Variants in EXOC4 observed in about 807,000 individuals in gnomAD.
EXOC4 encodes the protein exocyst complex component 4.
Under a neutral mutation model 107.2 loss-of-function variants are expected in EXOC4, and 71 were observed. That is an observed-to-expected ratio of 0.66 (90% confidence interval 0.55 to 0.81). The LOEUF (loss-of-function observed/expected upper bound fraction) is 0.81, where lower values mean the gene tolerates loss of function less well. Ranked by LOEUF, EXOC4 falls within the 30% of genes least tolerant of loss-of-function variation. The probability of loss-of-function intolerance (pLI) is 0.00; values close to 1 mark genes in which losing one functional copy is unlikely to be tolerated. For synonymous variants in EXOC4, 456 were observed against 441.2 expected (o/e 1.03, Z -0.42); for missense variants, 1,108 against 1,189.6 (o/e 0.93, Z 1.01).
chr7:133,549,330 C>T (rs1435680104), intron 9 of EXOC4, among the ~76,000 whole-genome samples: 1 of 152,166 alleles, frequency 6.6e-6, no homozygotes, highest in East Asian at 1.9e-4. Flanking sequence ...CTTTTCCTTT[C>T]ACTTGAACAC....
At chr7:133,702,627 GT>G (rs1363970830) in intron 10 of EXOC4, among the ~76,000 whole-genome samples, 9 of 151,752 alleles carry the variant, frequency 5.9e-5, no homozygotes, top group South Asian at 2.1e-4. Flanking sequence ...CACCCAGCCT[GT>G]ATTTTATTTA....
intron 12 of EXOC4, among the ~76,000 whole-genome samples, chr7:133,912,667 A>G (rs1422125955): frequency 1.3e-5 from 2 of 149,158 alleles, no homozygotes; most frequent in East Asian, 4.3e-4. Flanking sequence ...AATACCAGGT[A>G]TTGTGGTAGG....
chr7:133,443,166 G>A lies in EXOC4; in HGVS notation c.1183-32162G>A, dbSNP rs557298723. Among the ~76,000 whole-genome samples, 11 of 152,234 alleles carry A rather than the reference G, an allele frequency of 7.2e-5. No individual in the cohort carries two copies. In the South Asian group the frequency reaches 1.9e-3, roughly 26 times the overall value. Reference sequence around the variant, plus strand: ...TTTCTTCACATCTTCTTCCGTAGTCGCATTTGTCCAGGATCTCAGGCACAG... The same window carrying A: ...TTTCTTCACATCTTCTTCCGTAGTCACATTTGTCCAGGATCTCAGGCACAG... On this transcript the variant is annotated intron_variant, in intron 7 of 17. Coordinates refer to ENST00000253861, the MANE Select transcript of EXOC4 (RefSeq NM_021807.4).
chr7:133,709,991 A>C (rs1794850494), intron 10 of EXOC4, among the ~76,000 whole-genome samples: 1 of 152,188 alleles, frequency 6.6e-6, no homozygotes, highest in South Asian at 2.1e-4. Context: ...TTATCCTCTT[A>C]GCATCAAATG....
At chr7:133,834,862 G>A (rs1797885206) in intron 11 of EXOC4, among the ~76,000 whole-genome samples, 1 of 152,124 alleles carries the variant, frequency 6.6e-6, no homozygotes, top group Admixed American at 6.5e-5. Flanking sequence ...ACCTGTTGTG[G>A]AAGGAAACCA....
At chr7:133,424,523 G>A (rs1300745305) in intron 7 of EXOC4, among the ~76,000 whole-genome samples, 1 of 151,580 alleles carries the variant, frequency 6.6e-6, no homozygotes, top group African/African-American at 2.4e-5. Context: ...GTGAGGGTCC[G>A]TGGCTTCATT....
At chr7:133,642,507 C>T (rs578052424) in intron 10 of EXOC4, among the ~76,000 whole-genome samples, 4 of 152,334 alleles carry the variant, frequency 2.6e-5, no homozygotes, top group South Asian at 2.1e-4. Flanking sequence ...TTACCCCACA[C>T]GTCTAGTGTT....
At chr7:133,770,336 A>C (rs1234187774) in intron 10 of EXOC4, among the ~76,000 whole-genome samples, 1 of 151,884 alleles carries the variant, frequency 6.6e-6, no homozygotes, top group Non-Finnish European at 1.5e-5. Context: ...ATTCATACCC[A>C]GGCCTGTGTG....
At chr7:133,933,613 A>G (rs2116708161) in intron 13 of EXOC4, among the ~76,000 whole-genome samples, 1 of 152,358 alleles carries the variant, frequency 6.6e-6, no homozygotes, top group Non-Finnish European at 1.5e-5. Flanking sequence ...ATAAAAATTC[A>G]GGCCTAGAAA....
At chr7:133,583,327 T>G (rs1390290967) in intron 9 of EXOC4, among the ~76,000 whole-genome samples, 1 of 152,214 alleles carries the variant, frequency 6.6e-6, no homozygotes, top group Non-Finnish European at 1.5e-5. Context: ...ATTTTATGCA[T>G]TCATTCAGCA....
chr7:133,335,960 A>G (rs931890640), intron 5 of EXOC4, among the ~76,000 whole-genome samples: 3 of 152,074 alleles, frequency 2.0e-5, no homozygotes, highest in East Asian at 1.9e-4. Context: ...ACATCTTTTC[A>G]TGTGCTTGTT....
intron 9 of EXOC4, among the ~76,000 whole-genome samples, chr7:133,595,878 G>C (rs1315195934): frequency 1.3e-5 from 2 of 152,200 alleles, no homozygotes; most frequent in Non-Finnish European, 2.9e-5. Flanking sequence ...ATCTCCGCCT[G>C]TATCTACCCA....
At chr7:133,326,356 T>G (rs1199433056) in intron 5 of EXOC4, among the ~76,000 whole-genome samples, 2 of 152,194 alleles carry the variant, frequency 1.3e-5, no homozygotes, top group African/African-American at 4.8e-5. Flanking sequence ...CCTTTGGTCT[T>G]TGATGATGGT....
chr7:133,304,286 TTTG>T (rs1368630206), intron 3 of EXOC4, among the ~76,000 whole-genome samples: 1 of 152,148 alleles, frequency 6.6e-6, no homozygotes, highest in Non-Finnish European at 1.5e-5. Flanking sequence ...TATAAATGAA[TTTG>T]TTGTTGTTTT....
chr7:133,826,588 A>T (rs1361676659), intron 11 of EXOC4, among the ~76,000 whole-genome samples: 1 of 152,168 alleles, frequency 6.6e-6, no homozygotes, highest in Non-Finnish European at 1.5e-5. Context: ...TCTTCTACAT[A>T]TTGATCTGTT....
At chr7:134,083,811 A>G in the EXOC4 span, among the ~76,000 whole-genome samples, 10 of 152,192 alleles carry the variant, frequency 6.6e-5, no homozygotes, top group Admixed American at 3.9e-4. Context: ...CCTACCTCTC[A>G]ACAGGAGGAA....
intron 9 of EXOC4, among the ~76,000 whole-genome samples, chr7:133,537,689 T>A (rs902397126): frequency 3.3e-5 from 5 of 152,200 alleles, no homozygotes; most frequent in African/African-American, 1.2e-4. Context: ...TGGATTTTTT[T>A]CCCCCACATT....
chr7:133,676,947 GTGTGTGTGTA>G lies in EXOC4; in HGVS notation c.1514+46816_1514+46825del, dbSNP rs1342759827. Among the ~76,000 whole-genome samples, 315 of 85,748 alleles carry G rather than the reference GTGTGTGTGTA, an allele frequency of 3.7e-3. 1 individual carries two copies. Among genetic ancestry groups the G allele is most frequent in the East Asian group, 6.1e-3 (15 of 2,460 alleles). 56.3% of individuals were successfully genotyped at this position (85,748 alleles called of 152,430 possible). A position where few individuals can be genotyped will look rare whatever the true frequency, so the allele number is the denominator to read the frequency against. ...AAACTCTGTGTGTGTGTGTGTGTGT[GTGTGTGTGTA>G]TGTGTGTGTGTGTGTGTGTGTTGAG... On this transcript the variant is annotated intron_variant, in intron 10 of 17. Coordinates refer to ENST00000253861, the MANE Select transcript of EXOC4 (RefSeq NM_021807.4).
intron 17 of EXOC4, among the ~76,000 whole-genome samples, chr7:134,025,355 GC>G (rs1795116701): frequency 6.6e-6 from 1 of 152,100 alleles, no homozygotes; most frequent in Admixed American, 6.5e-5. Flanking sequence ...TGGATTGCAT[GC>G]CCTGAAGCAA....
Sources: allele counts gnomAD v4.1 joint callset (sites outside exome capture counted in the v4.1 genomes callset), GRCh38; gene constraint gnomAD v4.1.1; transcripts MANE v1.5; gene names NCBI Gene and HGNC (gene_info 2026-07-23, HGNC 2026-07-21).